Variants in CAMTA1 observed in about 807,000 individuals in gnomAD.
The protein encoded by CAMTA1 is calmodulin-binding transcription activator 1.
A neutral mutation model predicts 170.9 loss-of-function variants in CAMTA1; 27 were observed. That is an observed-to-expected ratio of 0.16 (90% confidence interval 0.12 to 0.22). The LOEUF is 0.22. CAMTA1 is among the 10% of genes least tolerant of loss of function. The pLI is 1.00. For missense variants in CAMTA1, 1,619 were observed against 2,217.2 expected (o/e 0.73, Z 5.42); for synonymous variants, 833 against 891.5 (o/e 0.93, Z 1.17).
At chr1:7,679,870 G>A (rs1377280472) in intron 11 of CAMTA1, among the ~76,000 whole-genome samples, 1 of 152,244 alleles carries the variant, frequency 6.6e-6, no homozygotes, top group Admixed American at 6.5e-5. Flanking sequence ...CCTGAAGGAC[G>A]CTTTCCTTTG....
chr1:7,695,347 C>T (rs757683165), intron 11 of CAMTA1, among the ~76,000 whole-genome samples: 3 of 152,210 alleles, frequency 2.0e-5, no homozygotes, highest in Non-Finnish European at 4.4e-5. Flanking sequence ...AGCTCCAAGG[C>T]CCCCAATTGC....
At chr1:7,168,074 A>T (rs1488722283) in intron 4 of CAMTA1, among the ~76,000 whole-genome samples, 1 of 152,220 alleles carries the variant, frequency 6.6e-6, no homozygotes, top group Non-Finnish European at 1.5e-5. Context: ...ATCTTAGGTT[A>T]AACACTAATA....
intron 4 of CAMTA1, among the ~76,000 whole-genome samples, chr1:7,159,498 C>G (rs559121954): frequency 1.3e-5 from 2 of 152,078 alleles, no homozygotes; most frequent in African/African-American, 4.8e-5. Context: ...CCTCCCTGAG[C>G]TCTGGATCCC....
Position 7,736,221 on chromosome 1 carries a change from C to T in CAMTA1, c.3067-123C>T. On this transcript the variant is annotated intron_variant, in intron 12 of 22. Coordinates refer to ENST00000303635, the MANE Select transcript of CAMTA1 (RefSeq NM_015215.4). The surrounding 1 kb of genome is among the most constrained non-coding windows in gnomAD (Gnocchi z 4.5). ...TGCCCAGCCAATGTTTCTTTATTTT[C>T]AGTGTTTTATGTTTTCCGTTGTGAG... 1 of 841,426 alleles carries T rather than the reference C, an allele frequency of 1.2e-6. No homozygotes were observed. Among genetic ancestry groups the T allele is most frequent in the South Asian group, 1.8e-5 (1 of 56,302 alleles). The allele number at this position is 841,426 out of a possible 1,614,324, so 52.1% of individuals were successfully genotyped here. A position where few individuals can be genotyped will look rare whatever the true frequency, so the allele number is the denominator to read the frequency against.
chr1:7,525,087 C>G (rs966519953), intron 6 of CAMTA1, among the ~76,000 whole-genome samples: 1 of 152,232 alleles, frequency 6.6e-6, no homozygotes, highest in African/African-American at 2.4e-5. Context: ...CGTCGGCCCC[C>G]GTCGCGCTGC....
intron 3 of CAMTA1, among the ~76,000 whole-genome samples, chr1:6,992,458 A>G (rs915688847): frequency 5.9e-5 from 9 of 152,168 alleles, no homozygotes; most frequent in Admixed American, 1.3e-4. Context: ...ATATTCTCCT[A>G]TGTTTTCTTC....
At chr1:7,689,927 T>C (rs1397103853) in intron 11 of CAMTA1, among the ~76,000 whole-genome samples, 6 of 152,030 alleles carry the variant, frequency 3.9e-5, no homozygotes, top group East Asian at 3.9e-4. Flanking sequence ...GGAGGCCGAG[T>C]TGGGCGTATC....
chr1:7,392,661 C>T (rs1327431279), intron 5 of CAMTA1, among the ~76,000 whole-genome samples: 2 of 151,726 alleles, frequency 1.3e-5, no homozygotes, highest in Non-Finnish European at 2.9e-5. Context: ...ATTGCCTGAG[C>T]TCAGGAGTTC....
intron 3 of CAMTA1, among the ~76,000 whole-genome samples, chr1:7,083,215 G>A (rs1640264709): frequency 6.6e-6 from 1 of 152,172 alleles, no homozygotes; most frequent in Non-Finnish European, 1.5e-5. Context: ...CAGGCTGTTA[G>A]GAATTTATTC....
chr1:7,394,164 A>G (rs1296537196), intron 5 of CAMTA1, among the ~76,000 whole-genome samples: 1 of 152,152 alleles, frequency 6.6e-6, no homozygotes, highest in Non-Finnish European at 1.5e-5. Flanking sequence ...TAAACATGGG[A>G]GTGCAGATAT....
chr1:7,488,582 A>G (rs1575577570), intron 6 of CAMTA1, among the ~76,000 whole-genome samples: 1 of 152,122 alleles, frequency 6.6e-6, no homozygotes, highest in African/African-American at 2.4e-5. Context: ...ATCTGTACAC[A>G]TGTGTACACA....
intron 3 of CAMTA1, among the ~76,000 whole-genome samples, chr1:6,902,488 A>C (rs1677338128): frequency 6.6e-6 from 1 of 152,216 alleles, no homozygotes; most frequent in Non-Finnish European, 1.5e-5. Context: ...CCTTCTGGAA[A>C]AGCCAAAATT....
At chr1:7,699,132 T>G (rs1297231986) in intron 11 of CAMTA1, among the ~76,000 whole-genome samples, 1 of 152,232 alleles carries the variant, frequency 6.6e-6, no homozygotes, top group Non-Finnish European at 1.5e-5. Context: ...GAGACATAAT[T>G]AACATACCAT....
intron 3 of CAMTA1, among the ~76,000 whole-genome samples, chr1:7,022,057 G>A (rs1320721371): frequency 1.3e-5 from 2 of 152,232 alleles, no homozygotes; most frequent in African/African-American, 2.4e-5. Context: ...TTCCCAGCAG[G>A]TCTCCCGAGC....
intron 6 of CAMTA1, among the ~76,000 whole-genome samples, chr1:7,556,546 C>T (rs969444510): frequency 2.6e-4 from 40 of 152,214 alleles, no homozygotes; most frequent in Admixed American, 8.5e-4. Context: ...CATGCACACG[C>T]ACATCACCTC....
At chr1:7,564,136 G>A (rs1025059026) in intron 6 of CAMTA1, among the ~76,000 whole-genome samples, 10 of 152,132 alleles carry the variant, frequency 6.6e-5, no homozygotes, top group Non-Finnish European at 7.4e-5. Flanking sequence ...CGGATGTTCC[G>A]ACCCCATGTC....
At chr1:6,944,986 C>A (rs1687340068) in intron 3 of CAMTA1, among the ~76,000 whole-genome samples, 1 of 152,142 alleles carries the variant, frequency 6.6e-6, no homozygotes, top group African/African-American at 2.4e-5. Flanking sequence ...TGGGACGTAG[C>A]CCCATCGTAC....
chr1:7,204,564 T>G (rs1657322818), intron 4 of CAMTA1, among the ~76,000 whole-genome samples: 2 of 152,130 alleles, frequency 1.3e-5, no homozygotes, highest in Admixed American at 6.5e-5. Context: ...AGGTATGTTT[T>G]ATGGCCTTGC....
chr1:6,862,898 C>T (rs1665267155), intron 3 of CAMTA1, among the ~76,000 whole-genome samples: 1 of 152,156 alleles, frequency 6.6e-6, no homozygotes, highest in South Asian at 2.1e-4. Context: ...ATCAAATAAT[C>T]TCATCTTTTA....
Sources: gnomAD v4.1 joint callset for allele counts (sites outside exome capture counted in the v4.1 genomes callset) on GRCh38, gnomAD v4.1.1 for gene constraint, Gnocchi (gnomAD v3.1) non-coding constraint, MANE v1.5 for transcripts, NCBI Gene and HGNC (gene_info 2026-07-23, HGNC 2026-07-21) for gene names.